Variants in MAP2 observed in about 807,000 individuals in gnomAD.
MAP2 encodes microtubule-associated protein 2.
Under a neutral mutation model 137.6 loss-of-function variants are expected in MAP2, and 14 were observed. That is an observed-to-expected ratio of 0.10 (90% CI 0.07 to 0.16). The LOEUF is 0.16. MAP2 is among the 10% of genes least tolerant of loss of function. MAP2 has a pLI of 1.00. For missense variants in MAP2, 2,088 were observed against 2,191.5 expected (o/e 0.95, Z 0.94); for synonymous variants, 786 against 782.3 (o/e 1.00, Z -0.08).
intron 2 of MAP2, among the ~76,000 whole-genome samples, chr2:209,571,953 C>T (rs894778828): frequency 6.6e-5 from 10 of 151,510 alleles, no homozygotes; most frequent in South Asian, 2.1e-4. Flanking sequence ...TAAAGAAAAA[C>T]GAGAATTTAT....
chr2:209,675,539 T>G (rs901923002), intron 5 of MAP2, among the ~76,000 whole-genome samples: 1 of 151,884 alleles, frequency 6.6e-6, no homozygotes, highest in Non-Finnish European at 1.5e-5. Context: ...GTTTCAATGA[T>G]TTTCAAAGTC....
chr2:209,540,660 A>AAAG (rs1382227656), intron 2 of MAP2, among the ~76,000 whole-genome samples: 2,606 of 128,164 alleles, frequency 0.02, 53 homozygotes, highest in African/African-American at 0.052. Flanking sequence ...AAAAAAAAAA[A>AAAG]AAGAAGAAAA....
chr2:209,706,462 C>T (rs1584133377), intron 12 of MAP2, among the ~76,000 whole-genome samples: 1 of 151,922 alleles, frequency 6.6e-6, no homozygotes, highest in Non-Finnish European at 1.5e-5. Flanking sequence ...AGACTAATGA[C>T]TATTATAATA....
intron 10 of MAP2, 79 bp downstream of exon 10, chr2:209,697,130 C>G (rs779316528): frequency 7.2e-6 from 10 of 1,382,748 alleles, no homozygotes; most frequent in African/African-American, 1.5e-5. Flanking sequence ...GTAGCAGCTT[C>G]TTCATTTTGT....
At chr2:209,458,493 A>G (rs1702048994) in intron 1 of MAP2, among the ~76,000 whole-genome samples, 1 of 152,200 alleles carries the variant, frequency 6.6e-6, no homozygotes. Flanking sequence ...AATATGGTCC[A>G]TGCAAAGTAA....
intron 1 of MAP2, among the ~76,000 whole-genome samples, chr2:209,491,088 A>G (rs1559230000): frequency 6.6e-6 from 1 of 151,854 alleles, no homozygotes; most frequent in Non-Finnish European, 1.5e-5. Flanking sequence ...AACACAAATC[A>G]TAACAGTCTC....
chr2:209,554,592 A>G (rs997491158), intron 2 of MAP2, among the ~76,000 whole-genome samples: 3 of 152,088 alleles, frequency 2.0e-5, no homozygotes, highest in African/African-American at 7.2e-5. Flanking sequence ...GTTTAAGACC[A>G]GCCTGGACAA....
chr2:209,573,162 G>A (rs910033446), intron 2 of MAP2, among the ~76,000 whole-genome samples: 9 of 152,182 alleles, frequency 5.9e-5, no homozygotes, highest in Non-Finnish European at 8.8e-5. Flanking sequence ...TCTGGAAGGT[G>A]CCATGGATTG....
chr2:209,530,290 T>A (rs528391751), intron 2 of MAP2, among the ~76,000 whole-genome samples: 11 of 152,294 alleles, frequency 7.2e-5, no homozygotes, highest in African/African-American at 2.6e-4. Context: ...AGACCTTAGT[T>A]ATTTCATCGT....
chr2:209,720,513 C>G (rs2070020206), intron 13 of MAP2, among the ~76,000 whole-genome samples: 1 of 151,832 alleles, frequency 6.6e-6, no homozygotes, highest in Non-Finnish European at 1.5e-5. Flanking sequence ...GTGGCGGGCG[C>G]CTGTAGTCCC....
chr2:209,730,166 T>C lies in MAP2; in HGVS notation c.5269-16T>C. On this transcript the variant is annotated splice_polypyrimidine_tract_variant and intron_variant, in intron 15 of 15. Coordinates refer to ENST00000682079, the MANE Select transcript of MAP2 (RefSeq NM_001375505.1). ...AGATGCATGAGTTAACGAGGACTGA[T>C]GCTTGTCTTAAACAGATTGACAGCC... The C allele has an allele frequency of 6.2e-7, 1 of 1,608,314 alleles. No homozygotes were observed. Among genetic ancestry groups the C allele is most frequent in the East Asian group, 2.2e-5 (1 of 44,824 alleles).
chr2:209,528,825 T>G (rs1040847095), intron 2 of MAP2, among the ~76,000 whole-genome samples: 3 of 151,426 alleles, frequency 2.0e-5, no homozygotes, highest in Admixed American at 1.3e-4. Flanking sequence ...TATATGTATA[T>G]GTACATATGT....
chr2:209,430,037 G>T (rs931662593), intron 1 of MAP2, among the ~76,000 whole-genome samples: 9 of 151,760 alleles, frequency 5.9e-5, no homozygotes, highest in Non-Finnish European at 8.8e-5. Context: ...GCAAAATAAT[G>T]TATTAAGTAA....
At chr2:209,709,628 T>C (rs2064745507) in intron 12 of MAP2, among the ~76,000 whole-genome samples, 1 of 151,788 alleles carries the variant, frequency 6.6e-6, no homozygotes, top group African/African-American at 2.4e-5. Flanking sequence ...AAGTAGAAAA[T>C]AGTTTTTGAC....
chr2:209,493,909 T>G (rs1423944857), intron 1 of MAP2, among the ~76,000 whole-genome samples: 2 of 152,192 alleles, frequency 1.3e-5, no homozygotes, highest in African/African-American at 4.8e-5. Context: ...GGAATACCAT[T>G]TGGCCCAGCA....
chr2:209,620,685 C>G (rs1328803373), intron 3 of MAP2, among the ~76,000 whole-genome samples: 1 of 152,136 alleles, frequency 6.6e-6, no homozygotes, highest in African/African-American at 2.4e-5. Flanking sequence ...TAAAAGACTG[C>G]TTGAATAATA....
chr2:209,671,292 G>T lies in MAP2; in HGVS notation c.263-7280G>T, dbSNP rs114358635. ...CAAACAAATAAAAACCCAACAATTT[G>T]CTCTTTTAATTTCCTTCATCATCAG... is the stretch of plus-strand genomic sequence containing the variant. On this transcript the variant is annotated intron_variant, in intron 5 of 15. Coordinates refer to ENST00000682079, the MANE Select transcript of MAP2 (RefSeq NM_001375505.1). Among the ~76,000 whole-genome samples, 1,182 of 152,016 alleles carry T rather than the reference G, an allele frequency of 7.8e-3. 16 individuals carry two copies. The highest frequency in any genetic ancestry group is 0.026 in the African/African-American group (1,099 of 41,510).
At chr2:209,529,141 GA>G (rs957326867) in intron 2 of MAP2, among the ~76,000 whole-genome samples, 1 of 151,536 alleles carries the variant, frequency 6.6e-6, no homozygotes, top group African/African-American at 2.4e-5. Context: ...TTTTAGTTAG[GA>G]AAAAAAATGG....
chr2:209,452,016 T>G (rs1413447576), intron 1 of MAP2, among the ~76,000 whole-genome samples: 1 of 152,184 alleles, frequency 6.6e-6, no homozygotes, highest in Non-Finnish European at 1.5e-5. Flanking sequence ...AATAAAAAGA[T>G]TGTATTGATT....
Sources: allele counts gnomAD v4.1 joint callset (sites outside exome capture counted in the v4.1 genomes callset), GRCh38; gene constraint gnomAD v4.1.1; transcripts MANE v1.5; gene names NCBI Gene and HGNC (gene_info 2026-07-23, HGNC 2026-07-21).